Variants in GNA14 observed in about 807,000 individuals in gnomAD.
GNA14 encodes the protein G protein subunit alpha 14.
A neutral mutation model predicts 42.0 loss-of-function variants in GNA14; 50 were observed. The observed-to-expected ratio is 1.19, with a 90% confidence interval of 0.95 to 1.51. The LOEUF is 1.51. Ranked by LOEUF, GNA14 falls within the 40% of genes most tolerant of loss-of-function variation. The pLI, the probability that GNA14 is intolerant of heterozygous loss-of-function variation, is 0.00. For missense variants in GNA14, 473 were observed against 446.2 expected, an observed-to-expected ratio of 1.06 and a Z score of -0.54; for synonymous variants, 173 against 163.1, an observed-to-expected ratio of 1.06 and a Z score of -0.46.
At chr9:77,596,779 A>G (rs1303072358) in intron 1 of GNA14, among the ~76,000 whole-genome samples, 1 of 152,200 alleles carries the variant, frequency 6.6e-6, no homozygotes, top group Non-Finnish European at 1.5e-5. Context: ...TCACTGAGAT[A>G]AATGCATATC....
At chr9:77,505,596 G>A (rs1837055979) in intron 2 of GNA14, among the ~76,000 whole-genome samples, 1 of 152,188 alleles carries the variant, frequency 6.6e-6, no homozygotes, top group Admixed American at 6.5e-5. Context: ...ATGAATGAAC[G>A]AACTAAGGAG....
At chr9:77,634,433 AAGG>A (rs1250112901) in intron 1 of GNA14, among the ~76,000 whole-genome samples, 22 of 150,294 alleles carry the variant, frequency 1.5e-4, no homozygotes, top group South Asian at 2.1e-4. Context: ...AAAAAAAAAA[AAGG>A]AAGGAAGGAA....
chr9:77,536,516 A>C (rs1162975751), intron 1 of GNA14, among the ~76,000 whole-genome samples: 1 of 151,744 alleles, frequency 6.6e-6, no homozygotes, highest in South Asian at 2.1e-4. Context: ...ACACCTGGCT[A>C]ATTTTTGTAT....
intron 2 of GNA14, among the ~76,000 whole-genome samples, chr9:77,509,488 A>T (rs1453405441): frequency 1.3e-5 from 2 of 152,224 alleles, no homozygotes; most frequent in African/African-American, 2.4e-5. Context: ...TGCTATGTTT[A>T]ATTTTTTGAG....
At chr9:77,554,886 A>G (rs778027863) in intron 1 of GNA14, among the ~76,000 whole-genome samples, 3 of 152,222 alleles carry the variant, frequency 2.0e-5, no homozygotes, top group Non-Finnish European at 4.4e-5. Flanking sequence ...ATGCAAATGT[A>G]AAAATGATAC....
intron 1 of GNA14, among the ~76,000 whole-genome samples, chr9:77,543,248 G>A (rs532167659): frequency 6.6e-6 from 1 of 152,342 alleles, no homozygotes; most frequent in African/African-American, 2.4e-5. Flanking sequence ...ATGCCACCAG[G>A]GAGGGCAGGG....
intron 2 of GNA14, among the ~76,000 whole-genome samples, chr9:77,512,423 A>G (rs557590672): frequency 2.8e-4 from 42 of 152,346 alleles, no homozygotes; most frequent in African/African-American, 8.9e-4. Context: ...AAAGAAGAAA[A>G]TTAAGATGAC....
chr9:77,595,656 T>G (rs1823453603), intron 1 of GNA14, among the ~76,000 whole-genome samples: 1 of 152,226 alleles, frequency 6.6e-6, no homozygotes, highest in South Asian at 2.1e-4. Flanking sequence ...GCTTCTCATT[T>G]CCTTTCCCTT....
intron 2 of GNA14, among the ~76,000 whole-genome samples, chr9:77,484,908 A>T (rs1836630644): frequency 6.6e-6 from 1 of 151,478 alleles, no homozygotes; most frequent in African/African-American, 2.4e-5. Context: ...AAAATATTTT[A>T]TTTTTTAAAA....
intron 1 of GNA14, among the ~76,000 whole-genome samples, chr9:77,534,216 T>A (rs1353912446): frequency 1.3e-5 from 2 of 152,234 alleles, no homozygotes; most frequent in Non-Finnish European, 2.9e-5. Flanking sequence ...ACACATGAAT[T>A]ATCATTTCTT....
At chr9:77,618,595 T>C (rs1170277047) in intron 1 of GNA14, among the ~76,000 whole-genome samples, 2 of 12,984 alleles carry the variant, frequency 1.5e-4, no homozygotes, top group Admixed American at 6.0e-4. Context: ...TATATATATA[T>C]ATATATATAT....
intron 1 of GNA14, among the ~76,000 whole-genome samples, chr9:77,597,037 G>A (rs140029515): frequency 6.6e-6 from 1 of 152,160 alleles, no homozygotes; most frequent in Admixed American, 6.5e-5. Context: ...GACCTCCTGA[G>A]GCTGTGTCAT....
At chr9:77,475,471 A>T (rs1836402278) in intron 2 of GNA14, among the ~76,000 whole-genome samples, 1 of 152,252 alleles carries the variant, frequency 6.6e-6, no homozygotes, top group South Asian at 2.1e-4. Context: ...TATCCTGGGG[A>T]TGAATGTGGG....
chr9:77,492,481 G>A (rs1000514847), intron 2 of GNA14, among the ~76,000 whole-genome samples: 1 of 151,916 alleles, frequency 6.6e-6, no homozygotes, highest in Non-Finnish European at 1.5e-5. Flanking sequence ...AAAAGGAGAC[G>A]TAACAACTGA....
At chr9:77,556,810 C>T (rs1822788202) in intron 1 of GNA14, among the ~76,000 whole-genome samples, 1 of 152,186 alleles carries the variant, frequency 6.6e-6, no homozygotes, top group African/African-American at 2.4e-5. Context: ...AGAGTTAAGG[C>T]ACAGTTAAGA....
Position 77,600,204 on chromosome 9 carries a change from T to C in GNA14, c.124+47466A>G, listed in dbSNP as rs532506004. Among the ~76,000 whole-genome samples, 96 of 152,326 alleles carry C rather than the reference T, an allele frequency of 6.3e-4. No individual in the cohort carries two copies. The Middle Eastern group carries it at 0.017, about 27-fold the overall frequency. ...GGAAGCCCAGATTTGATTCTGATAG[T>C]GCAGTTAAAGGAGAGAGGAAAGCCA... On this transcript the variant is annotated intron_variant, in intron 1 of 6. Transcript: ENST00000341700.
intron 2 of GNA14, among the ~76,000 whole-genome samples, chr9:77,437,068 A>T (rs560300310): frequency 6.6e-5 from 10 of 152,182 alleles, no homozygotes; most frequent in Non-Finnish European, 1.3e-4. Context: ...TCTTGTGGGC[A>T]TGCCTCTTTT....
intron 2 of GNA14, among the ~76,000 whole-genome samples, chr9:77,492,132 C>A (rs569329110): frequency 6.6e-6 from 1 of 151,892 alleles, no homozygotes; most frequent in Non-Finnish European, 1.5e-5. Context: ...ATACAACATA[C>A]CAAAATCTAT....
chr9:77,555,918 CTCATAATACCAT>C, intron 1 of GNA14, among the ~76,000 whole-genome samples: 1 of 152,216 alleles, frequency 6.6e-6, no homozygotes, highest in South Asian at 2.1e-4. Context: ...CCTAATGAGT[CTCATAATACCAT>C]TTGCTTCAAC....
Sources: gnomAD v4.1 joint callset for allele counts (sites outside exome capture counted in the v4.1 genomes callset) on GRCh38, gnomAD v4.1.1 for gene constraint, MANE v1.5 for transcripts, NCBI Gene and HGNC (gene_info 2026-07-23, HGNC 2026-07-21) for gene names.